Variants in DCC observed in about 807,000 individuals in gnomAD.
DCC encodes the protein DCC netrin 1 receptor, also known as netrin receptor DCC.
DCC carries 58 observed loss-of-function variants against 172.5 expected under a neutral mutation model. That is an observed-to-expected ratio of 0.34 (90% CI 0.27 to 0.42). DCC has a LOEUF of 0.42. Ranked by LOEUF, DCC falls within the 10% of genes least tolerant of loss-of-function variation. The pLI is 1.00. For synonymous variants in DCC, 709 were observed against 644.5 expected (o/e 1.10, Z -1.52); for missense variants, 1,740 against 1,791.0 (o/e 0.97, Z 0.51).
intron 7 of DCC, among the ~76,000 whole-genome samples, chr18:53,153,361 TAATA>T (rs2054674508): frequency 6.6e-6 from 1 of 152,186 alleles, no homozygotes; most frequent in Non-Finnish European, 1.5e-5. Context: ...ATTTTTTAAA[TAATA>T]AATTTATAGG....
intron 15 of DCC, among the ~76,000 whole-genome samples, chr18:53,366,013 T>G (rs2058001124): frequency 6.6e-6 from 1 of 152,214 alleles, no homozygotes; most frequent in Non-Finnish European, 1.5e-5. Flanking sequence ...GGTTGAATCC[T>G]TATTCTACCA....
chr18:53,280,255 A>G (rs2056855783), intron 12 of DCC, among the ~76,000 whole-genome samples: 1 of 152,140 alleles, frequency 6.6e-6, no homozygotes, highest in Non-Finnish European at 1.5e-5. Context: ...ACTGATGTTT[A>G]GATTCAGTAT....
intron 9 of DCC, among the ~76,000 whole-genome samples, chr18:53,185,883 A>AT (rs2055274080): frequency 6.6e-6 from 1 of 152,216 alleles, no homozygotes; most frequent in South Asian, 2.1e-4. Flanking sequence ...AATAGACATG[A>AT]TTTTTTAAAG....
intron 2 of DCC, among the ~76,000 whole-genome samples, chr18:52,819,862 G>A (rs2038372955): frequency 6.6e-6 from 1 of 151,822 alleles, no homozygotes; most frequent in Non-Finnish European, 1.5e-5. Flanking sequence ...GGGACTACAG[G>A]TGCCCACCAC....
chr18:53,499,276 AC>A, intron 26 of DCC, 21 bp from the exon 27 acceptor site: 1 of 1,612,802 alleles, frequency 6.2e-7, no homozygotes. Flanking sequence ...ATAATGAATG[AC>A]TTTTCTTGTC....
intron 5 of DCC, among the ~76,000 whole-genome samples, chr18:52,966,863 C>T (rs1387840338): frequency 6.6e-6 from 1 of 152,152 alleles, no homozygotes; most frequent in Admixed American, 6.5e-5. Context: ...TTAATATGAA[C>T]CACTTGAATT....
intron 7 of DCC, among the ~76,000 whole-genome samples, chr18:53,153,688 TTCAG>T (rs1236886283): frequency 1.3e-5 from 2 of 152,212 alleles, no homozygotes; most frequent in African/African-American, 4.8e-5. Flanking sequence ...TCTAAATACT[TTCAG>T]TCAGTCTTTC....
At chr18:53,067,308 A>G (rs1019706886) in intron 7 of DCC, among the ~76,000 whole-genome samples, 1 of 152,008 alleles carries the variant, frequency 6.6e-6, no homozygotes, top group Non-Finnish European at 1.5e-5. Context: ...ATGGCTTGAG[A>G]CCAGGAATTT....
At chr18:52,637,480 A>C (rs2034804577) in intron 1 of DCC, among the ~76,000 whole-genome samples, 1 of 152,184 alleles carries the variant, frequency 6.6e-6, no homozygotes, top group African/African-American at 2.4e-5. Context: ...AAAATAAAGA[A>C]TTTAGGAAAC....
At chr18:52,522,145 T>C (rs1021288426) in intron 1 of DCC, among the ~76,000 whole-genome samples, 1 of 152,226 alleles carries the variant, frequency 6.6e-6, no homozygotes, top group Non-Finnish European at 1.5e-5. Flanking sequence ...TTTGGGTTAC[T>C]CATGGATAAT....
intron 1 of DCC, among the ~76,000 whole-genome samples, chr18:52,610,170 AAAAAAAAAATATATATATATATATATAT>A (rs1279652988): frequency 4.9e-4 from 12 of 24,626 alleles, no homozygotes; most frequent in Admixed American, 1.5e-3. Flanking sequence ...AAAAAAAAAA[AAAAAAAAAATATATATATATATATATAT>A]ATATATATAT....
chr18:53,066,353 G>GTATGTATATA lies in DCC; in HGVS notation c.1261+190_1261+191insGTATATATAT, dbSNP rs1202896480. On this transcript the variant is annotated intron_variant, in intron 7 of 28. Transcript: ENST00000442544. ...TAGAAAATTGTGTGTGTACATGTGT[G>GTATGTATATA]TATATATATATATATATATATATAT... Among the ~76,000 whole-genome samples the GTATGTATATA allele has an allele frequency of 3.1e-3, 291 of 94,308 alleles. 2 individuals are homozygous for GTATGTATATA. Among genetic ancestry groups the GTATGTATATA allele is most frequent in the Non-Finnish European group, 5.0e-3 (225 of 44,642 alleles). 61.9% of individuals were successfully genotyped at this position (94,308 alleles called of 152,430 possible).
intron 2 of DCC, among the ~76,000 whole-genome samples, 179 bp from the exon 3 acceptor site, chr18:52,905,865 G>A (rs1309443084): frequency 6.6e-6 from 1 of 152,144 alleles, no homozygotes; most frequent in Non-Finnish European, 1.5e-5. Context: ...TTTAGCCTCT[G>A]AGCATACTGT....
intron 1 of DCC, among the ~76,000 whole-genome samples, chr18:52,609,538 G>T (rs2034205718): frequency 6.6e-6 from 1 of 152,028 alleles, no homozygotes; most frequent in Non-Finnish European, 1.5e-5. Flanking sequence ...TGTTAACATG[G>T]CCAAGATTAT....
intron 25 of DCC, among the ~76,000 whole-genome samples, chr18:53,484,418 G>A (rs915664347): frequency 3.3e-5 from 5 of 151,236 alleles, no homozygotes; most frequent in African/African-American, 9.7e-5. Flanking sequence ...CCTTTGCTGT[G>A]CAGAAGCTTT....
chr18:52,923,586 A>G, intron 3 of DCC, 121 bp from the exon 4 acceptor site: 1 of 798,884 alleles, frequency 1.3e-6, no homozygotes, highest in Non-Finnish European at 2.1e-6. Flanking sequence ...AGGAGTTTAC[A>G]AATTTCATTG....
chr18:52,713,838 G>A (rs543650671), intron 1 of DCC, among the ~76,000 whole-genome samples: 48 of 152,218 alleles, frequency 3.2e-4, no homozygotes, highest in African/African-American at 1.1e-3. Context: ...GGTTCTTGCC[G>A]GCCAGGTGTG....
chr18:52,748,401 C>T (rs538797056), intron 1 of DCC, among the ~76,000 whole-genome samples: 5 of 152,334 alleles, frequency 3.3e-5, no homozygotes, highest in African/African-American at 1.2e-4. Context: ...GCTCTGGCTC[C>T]GGGAGTCCCA....
At chr18:52,910,275 T>G (rs2039953194) in intron 3 of DCC, among the ~76,000 whole-genome samples, 1 of 152,080 alleles carries the variant, frequency 6.6e-6, no homozygotes, top group South Asian at 2.1e-4. Flanking sequence ...AGACTGGAAG[T>G]GGGAGAGTAG....
Sources: gnomAD v4.1 joint callset for allele counts (sites outside exome capture counted in the v4.1 genomes callset) on GRCh38, gnomAD v4.1.1 for gene constraint, MANE v1.5 for transcripts, NCBI Gene and HGNC (gene_info 2026-07-23, HGNC 2026-07-21) for gene names.